TGM4: variants seen among roughly 807,000 people sequenced by gnomAD.
The protein encoded by TGM4 is transglutaminase 4, also known as protein-glutamine gamma-glutamyltransferase 4.
In TGM4, 61 loss-of-function variants were observed where a neutral mutation model predicts 76.3. The observed-to-expected ratio is 0.80, with a 90% CI of 0.65 to 0.99. The LOEUF (loss-of-function observed/expected upper bound fraction) is 0.99. Among genes scored for constraint, TGM4 ranks in the 50% least tolerant of loss-of-function variants. The pLI is 0.00. For missense variants in TGM4, 794 were observed against 843.2 expected (o/e 0.94, Z 0.72); for synonymous variants, 337 against 329.8 (o/e 1.02, Z -0.24).
chr3:44,882,750 G>T (rs1253578913), intron 1 of TGM4, among the ~76,000 whole-genome samples: 1 of 152,142 alleles, frequency 6.6e-6, no homozygotes. Context: ...TTTCTATAAG[G>T]TCACATTCAT....
chr3:44,899,487 C>G (rs1196615716), intron 6 of TGM4: 1 of 152,204 alleles, frequency 6.6e-6, no homozygotes, highest in Non-Finnish European at 1.5e-5. Context: ...TTCAGAGGCC[C>G]TCCCCTTTTC....
intron 9 of TGM4, 109 bp from the exon 10 acceptor site, chr3:44,906,840 A>T: frequency 1.3e-6 from 2 of 1,491,894 alleles, no homozygotes; most frequent in Non-Finnish European, 1.8e-6. Context: ...TCTTGGGCAA[A>T]ATTTGCTTGC....
At chr3:44,878,158 G>GA (rs913369167) in intron 1 of TGM4, among the ~76,000 whole-genome samples, 5 of 148,094 alleles carry the variant, frequency 3.4e-5, no homozygotes, top group East Asian at 3.9e-4. Flanking sequence ...CTCAAAAAAA[G>GA]AAAAAAAAAT....
chr3:44,887,989 G>A (rs959705251), intron 3 of TGM4, 194 bp downstream of exon 3: 21 of 594,390 alleles, frequency 3.5e-5, no homozygotes, highest in African/African-American at 1.5e-4. Context: ...ACACAGTATC[G>A]CTGTGGCCAA....
intron 5 of TGM4, among the ~76,000 whole-genome samples, chr3:44,894,722 C>A (rs1352829599): frequency 1.3e-5 from 2 of 151,926 alleles, no homozygotes; most frequent in Non-Finnish European, 2.9e-5. Context: ...TTCTCCTCCT[C>A]CCCCTGGGTC....
At chr3:44,887,283 T>A (rs1699620606) in intron 2 of TGM4, among the ~76,000 whole-genome samples, 1 of 152,226 alleles carries the variant, frequency 6.6e-6, no homozygotes, top group African/African-American at 2.4e-5. Flanking sequence ...GGCGGTGGCA[T>A]CTGCCTCCTC....
Position 44,893,598 on chromosome 3 carries a change from A to T in TGM4, c.452A>T (p.Asp151Val), listed in dbSNP as rs1426124181. 1 of 1,613,856 alleles carries T rather than the reference A, an allele frequency of 6.2e-7. No individual in the cohort carries two copies. The highest frequency in any genetic ancestry group is 1.7e-5 in the Admixed American group (1 of 60,016). ...WCKEDMVFMPDEDERKEYILN... is the reference protein window; with the variant it reads ...WCKEDMVFMPVEDERKEYILN... The stretch of plus-strand genomic sequence containing the variant: ...TCAGAGGACATGGTTTTCATGCCTG[A>T]TGAGGACGAGCGCAAAGAGTACATC... The change falls in exon 5 of 14, where the codon GAT (aspartate) becomes GTT (valine). Residue 151 changes from aspartate to valine, a missense_variant. Asp to Val is a radical substitution (Grantham distance 152). Coordinates refer to ENST00000296125, the MANE Select transcript of TGM4 (RefSeq NM_003241.4).
In TGM4 at chr3:44,901,858, A is replaced by G. The variant is rs138720167; in HGVS notation, c.898A>G (p.Arg300Gly). 6.2e-4 allele frequency: 1,000 copies of G among 1,614,236 alleles called. No homozygotes were observed. The highest frequency in any genetic ancestry group is 7.8e-4 in the Admixed American group (47 of 60,024). ...TGFDSAHDTE[R>G]NLTVDTYVNE... Reference sequence around the variant, plus strand: ...CTTCGATTCAGCTCACGACACAGAAAGGAACCTCACGGTGGACACCTATGT... The same window carrying G: ...CTTCGATTCAGCTCACGACACAGAAGGGAACCTCACGGTGGACACCTATGT... Residue 300 changes from arginine (R) to glycine (G), a missense_variant, in exon 8 of 14, where the codon AGG becomes GGG. By Grantham distance (125) the Arg-to-Gly change is moderately radical. Coordinates refer to ENST00000296125, the MANE Select transcript of TGM4 (RefSeq NM_003241.4).
At chr3:44,890,562 C>T (rs775707037) in intron 3 of TGM4, 41 bp from the exon 4 acceptor site, 19 of 1,606,486 alleles carry the variant, frequency 1.2e-5, no homozygotes, top group Non-Finnish European at 5.1e-6. Context: ...TGGGATCTGG[C>T]CAGAGGGGGA....
intron 3 of TGM4, 87 bp downstream of exon 3, chr3:44,887,882 T>C (rs1312154095): frequency 8.5e-6 from 10 of 1,169,590 alleles, no homozygotes; most frequent in Non-Finnish European, 1.3e-5. Flanking sequence ...CTTCCTCACC[T>C]GTCAGCTGGT....
intron 9 of TGM4, among the ~76,000 whole-genome samples, chr3:44,906,079 A>G (rs1029088163): frequency 5.3e-5 from 8 of 152,220 alleles, no homozygotes; most frequent in Non-Finnish European, 7.3e-5. Context: ...GGGGATGCCC[A>G]GGTTCAGTCA....
rs866100620 is a variant in TGM4 at position 44,897,007 on chromosome 3, T to C, written c.657+191T>C. Among the ~76,000 whole-genome samples, 1,050 of 147,532 alleles carry C rather than the reference T, an allele frequency of 7.1e-3. 8 individuals carry two copies. The highest frequency in any genetic ancestry group is 0.024 in the African/African-American group (950 of 40,052). On this transcript the variant is annotated intron_variant, in intron 6 of 13. Coordinates refer to ENST00000296125, the MANE Select transcript of TGM4 (RefSeq NM_003241.4). The stretch of plus-strand genomic sequence containing the variant: ...GAGCGCAGGTTTTCTTTTCTTTTTT[T>C]TTTTTTTTTTTTTTGAGACAGAGTC...
rs938220739 is a variant in TGM4, at chr3:44,880,161, G to A, written c.20-5164G>A. ...TCTGATTTCTTGGACGAATACTTGT[G>A]TGGTTTCTGCTGAAATAGTGTATTT... On this transcript the variant is annotated intron_variant, in intron 1 of 13. Transcript: ENST00000296125. Among the ~76,000 whole-genome samples, 12 of 151,602 alleles carry A rather than the reference G, an allele frequency of 7.9e-5. No individual in the cohort carries two copies. The South Asian group carries it at 1.0e-3, about 13-fold the overall frequency.
intron 1 of TGM4, among the ~76,000 whole-genome samples, chr3:44,875,297 GTTC>G (rs1267960191): frequency 3.3e-5 from 5 of 152,216 alleles, no homozygotes; most frequent in Non-Finnish European, 7.3e-5. Flanking sequence ...GTCTGGAATA[GTTC>G]TTCTGTCATT....
In TGM4 at chr3:44,885,501, G is replaced by A; in HGVS notation, c.193+3G>A. The A allele has an allele frequency of 6.2e-7, 1 of 1,608,106 alleles. No homozygotes were observed. The highest frequency in any genetic ancestry group is 1.1e-5 in the South Asian group (1 of 90,758). On this transcript the variant is annotated splice_donor_region_variant and intron_variant, in intron 2 of 13. Transcript: ENST00000296125. ...ACTGAAACTGGAATTCAGCACAGGTGAAGCCTCGGGGCCCTACTCATGGGG... is the reference window on the plus strand; with the variant it reads ...ACTGAAACTGGAATTCAGCACAGGTAAAGCCTCGGGGCCCTACTCATGGGG...
At chr3:44,889,590 G>A (rs1483413245) in intron 3 of TGM4, among the ~76,000 whole-genome samples, 1 of 152,184 alleles carries the variant, frequency 6.6e-6, no homozygotes, top group East Asian at 1.9e-4. Context: ...CATCTCATGG[G>A]AGGACCTTGG....
chr3:44,911,086 G>C lies in TGM4; in HGVS notation c.1735G>C (p.Glu579Gln), dbSNP rs760781069. Reference protein sequence around the residue: ...IVESKEIMASEVFTSFQYPEF... With the variant: ...IVESKEIMASQVFTSFQYPEF... ...GGAGTCTAAGGAAATCATGGCCTCT[G>C]AAGTATTCACGTCTTTCCAGTACCC... The change falls in exon 12 of 14, where the codon GAA becomes CAA. Residue 579 changes from glutamate (E) to glutamine (Q), a missense_variant. By Grantham distance (29) the Glu-to-Gln change is conservative. Coordinates refer to ENST00000296125, the MANE Select transcript of TGM4 (RefSeq NM_003241.4). 5 of 1,614,174 alleles carry C rather than the reference G, an allele frequency of 3.1e-6. No individual in the cohort carries two copies. In the South Asian group the frequency reaches 4.4e-5, roughly 14 times the overall value.
At chr3:44,881,405 G>A (rs1699530442) in intron 1 of TGM4, among the ~76,000 whole-genome samples, 1 of 152,080 alleles carries the variant, frequency 6.6e-6, no homozygotes, top group Admixed American at 6.5e-5. Flanking sequence ...CTAAAACTCA[G>A]GTAATTTATA....
At position 44,893,846 on chromosome 3, in the gene TGM4, T is replaced by G. The variant is rs1308429713; in HGVS notation, c.549+151T>G. 19 of 738,836 alleles carry G rather than the reference T, an allele frequency of 2.6e-5. No homozygotes were observed. In the Admixed American group the frequency reaches 3.7e-4, roughly 14 times the overall value. The allele number at this position is 738,836 out of a possible 1,614,324, so 45.8% of individuals were successfully genotyped here. Reference sequence around the variant, plus strand: ...CATGTAAAACTTGGCCATAGAGGGGTGACCTGCCTAGGCTGCACAGATGGG... The same window carrying G: ...CATGTAAAACTTGGCCATAGAGGGGGGACCTGCCTAGGCTGCACAGATGGG... On this transcript the variant is annotated intron_variant, in intron 5 of 13. Transcript: ENST00000296125.
Sources: gnomAD v4.1 joint callset for allele counts (sites outside exome capture counted in the v4.1 genomes callset) on GRCh38, gnomAD v4.1.1 for gene constraint, MANE v1.5 for transcripts, NCBI Gene and HGNC (gene_info 2026-07-23, HGNC 2026-07-21) for gene names.